Variants in PIK3AP1 observed in about 807,000 individuals in gnomAD.
PIK3AP1 encodes phosphoinositide-3-kinase adaptor protein 1.
In PIK3AP1, 21 loss-of-function variants were observed where a neutral mutation model predicts 88.1. The observed-to-expected ratio is 0.24, with a 90% CI of 0.17 to 0.34. The LOEUF is 0.34. PIK3AP1 is among the 10% of genes least tolerant of loss of function. PIK3AP1 has a pLI of 1.00. For missense variants in PIK3AP1, 828 were observed against 1,035.7 expected (o/e 0.80, Z 2.75); for synonymous variants, 398 against 400.0 (o/e 1.00, Z 0.06).
intron 8 of PIK3AP1, among the ~76,000 whole-genome samples, chr10:96,628,887 T>C (rs61858221): frequency 0.42 from 16,967 of 40,626 alleles, 3,141 homozygotes; most frequent in Non-Finnish European, 0.48. Context: ...TATATATATA[T>C]ACATATATAT....
At chr10:96,599,192 G>C (rs763264263) in intron 16 of PIK3AP1, among the ~76,000 whole-genome samples, 3 of 152,124 alleles carry the variant, frequency 2.0e-5, no homozygotes, top group Admixed American at 2.0e-4. Context: ...TGTGAGGGGG[G>C]CAGGGATCAA....
At chr10:96,689,805 T>C (rs1469518050) in intron 2 of PIK3AP1, among the ~76,000 whole-genome samples, 1 of 152,178 alleles carries the variant, frequency 6.6e-6, no homozygotes, top group African/African-American at 2.4e-5. Context: ...CACCATGTCC[T>C]GCTGGTCCTG....
At chr10:96,612,579 C>A (rs1244808719) in intron 13 of PIK3AP1, among the ~76,000 whole-genome samples, 1 of 152,076 alleles carries the variant, frequency 6.6e-6, no homozygotes, top group African/African-American at 2.4e-5. Context: ...ATTTACTCAA[C>A]CATAAATGAT....
Position 96,595,566 on chromosome 10 carries a change from A to G in PIK3AP1, c.*11T>C, listed in dbSNP as rs754224874. On this transcript the variant is annotated 3_prime_UTR_variant, in exon 17 of 17. Coordinates refer to ENST00000339364, the MANE Select transcript of PIK3AP1 (RefSeq NM_152309.3). ...TAAAGTCCTGAAGTAGGCAGGTTTT[A>G]GGAGGTGGAATCAGCGTCCTCTGGG... 15 of 1,612,992 alleles carry G rather than the reference A, an allele frequency of 9.3e-6. No individual in the cohort carries two copies. The highest frequency in any genetic ancestry group is 1.7e-4 in the Middle Eastern group (1 of 6,060).
chr10:96,627,030 C>T, intron 9 of PIK3AP1, 125 bp from the exon 10 acceptor site: 1 of 841,930 alleles, frequency 1.2e-6, no homozygotes, highest in South Asian at 1.5e-5. Flanking sequence ...AGGACTTTCC[C>T]CAATATCACT....
chr10:96,657,065 G>A (rs1293429495), intron 2 of PIK3AP1, 131 bp from the exon 3 acceptor site: 7 of 939,822 alleles, frequency 7.4e-6, no homozygotes, highest in Non-Finnish European at 1.1e-5. Context: ...CAAGCAGAAG[G>A]GACTGACTCA....
intron 2 of PIK3AP1, among the ~76,000 whole-genome samples, chr10:96,664,201 T>C (rs931656593): frequency 2.0e-5 from 3 of 152,200 alleles, no homozygotes; most frequent in Non-Finnish European, 4.4e-5. Flanking sequence ...AAAAGACTAT[T>C]AAAAACATTA....
At chr10:96,647,660 G>A (rs1330858729) in intron 7 of PIK3AP1, among the ~76,000 whole-genome samples, 9 of 152,158 alleles carry the variant, frequency 5.9e-5, no homozygotes, top group East Asian at 5.8e-4. Context: ...CTGTGCCTCC[G>A]TGAATCACTG....
At chr10:96,700,731 A>T in intron 2 of PIK3AP1, 1 of 828,068 alleles carries the variant, frequency 1.2e-6, no homozygotes, top group Non-Finnish European at 1.5e-6. Flanking sequence ...TGCTTTCAAG[A>T]GATCCAAGCC....
intron 8 of PIK3AP1, among the ~76,000 whole-genome samples, chr10:96,637,539 G>A (rs1033463328): frequency 6.6e-6 from 1 of 151,854 alleles, no homozygotes; most frequent in African/African-American, 2.4e-5. Context: ...TTTTAGAAGT[G>A]GGTTTTCGCC....
chr10:96,639,660 C>G (rs1843358518), intron 8 of PIK3AP1, among the ~76,000 whole-genome samples: 1 of 152,216 alleles, frequency 6.6e-6, no homozygotes, highest in Admixed American at 6.5e-5. Flanking sequence ...CCAGTGGGTT[C>G]TGTCCTTGCA....
intron 13 of PIK3AP1, among the ~76,000 whole-genome samples, chr10:96,612,974 ATATATATATTTTTTTTTTTTTTT>A (rs1271089298): frequency 2.4e-3 from 203 of 84,764 alleles, no homozygotes; most frequent in East Asian, 0.024. Flanking sequence ...ATATATATAT[ATATATATATTTTTTTTTTTTTTT>A]TTTTTTTTTT....
chr10:96,618,109 A>G (rs1454481501), intron 12 of PIK3AP1, among the ~76,000 whole-genome samples: 1 of 152,182 alleles, frequency 6.6e-6, no homozygotes, highest in African/African-American at 2.4e-5. Context: ...GAACCAAACA[A>G]TGTGAGCCCC....
rs541808531 is a variant in PIK3AP1, at chr10:96,609,169, T to A, written c.2170+543A>T. Among the ~76,000 whole-genome samples, 94 of 152,382 alleles carry A rather than the reference T, an allele frequency of 6.2e-4. 1 individual carries two copies. The South Asian group carries it at 0.014, about 22-fold the overall frequency. ...TTTCTTTTTCTCTTCTTTCTTTTTA[T>A]TTTACTTGAGTACATTGTTTTCTGA... On this transcript the variant is annotated intron_variant, in intron 14 of 16. Coordinates refer to ENST00000339364, the MANE Select transcript of PIK3AP1 (RefSeq NM_152309.3).
intron 8 of PIK3AP1, among the ~76,000 whole-genome samples, chr10:96,641,354 C>G (rs1564966285): frequency 6.6e-6 from 1 of 152,180 alleles, no homozygotes; most frequent in South Asian, 2.1e-4. Context: ...TTTGTCCCAA[C>G]AACAGTTAGG....
At chr10:96,623,360 G>A in intron 11 of PIK3AP1, 112 bp downstream of exon 11, 1 of 1,073,492 alleles carries the variant, frequency 9.3e-7, no homozygotes, top group Non-Finnish European at 1.4e-6. Flanking sequence ...ATGATGCCTG[G>A]CCTAGATCCC....
chr10:96,649,470 A>G (rs1395817750), intron 6 of PIK3AP1, among the ~76,000 whole-genome samples: 1 of 152,262 alleles, frequency 6.6e-6, no homozygotes, highest in Non-Finnish European at 1.5e-5. Flanking sequence ...CTTAACTAGC[A>G]GCCACACAGT....
At chr10:96,628,807 T>A (rs1202323969) in intron 8 of PIK3AP1, among the ~76,000 whole-genome samples, 1 of 150,048 alleles carries the variant, frequency 6.7e-6, no homozygotes, top group Non-Finnish European at 1.5e-5. Context: ...CAGAAAAAAA[T>A]GGAAGCAGGA....
intron 11 of PIK3AP1, 34 bp from the exon 12 acceptor site, chr10:96,620,591 C>T (rs374339646): frequency 1.3e-6 from 2 of 1,595,906 alleles, no homozygotes; most frequent in Non-Finnish European, 8.6e-7. Context: ...CTTGACAGCT[C>T]CCCCACTGGG....
Sources: allele counts gnomAD v4.1 joint callset (sites outside exome capture counted in the v4.1 genomes callset), GRCh38; gene constraint gnomAD v4.1.1; transcripts MANE v1.5; gene names NCBI Gene and HGNC (gene_info 2026-07-23, HGNC 2026-07-21).